Variants in SYNPR observed in about 807,000 individuals in gnomAD.
SYNPR encodes synaptoporin.
Under a neutral mutation model 32.9 loss-of-function variants are expected in SYNPR, and 23 were observed. The observed-to-expected ratio is 0.70, with a 90% CI of 0.50 to 0.99. SYNPR has a LOEUF of 0.99. Among genes scored for constraint, SYNPR ranks in the 50% least tolerant of loss-of-function variants. The pLI, the probability that SYNPR is intolerant of heterozygous loss-of-function variation, is 0.00. For synonymous variants in SYNPR, 146 were observed against 135.9 expected (o/e 1.07, Z -0.52); for missense variants, 318 against 349.3 (o/e 0.91, Z 0.71).
chr3:63,602,493 G>A (rs533563745), intron 4 of SYNPR, among the ~76,000 whole-genome samples: 1 of 152,100 alleles, frequency 6.6e-6, no homozygotes, highest in Non-Finnish European at 1.5e-5. Context: ...TTAAATTTAA[G>A]TCTTTAATCC....
intron 2 of SYNPR, among the ~76,000 whole-genome samples, chr3:63,438,517 G>A (rs1220923324): frequency 6.6e-6 from 1 of 152,138 alleles, no homozygotes; most frequent in Non-Finnish European, 1.5e-5. Context: ...GAAGCCTACT[G>A]AGGAAAGCTA....
chr3:63,490,607 T>C (rs945177131), intron 3 of SYNPR, among the ~76,000 whole-genome samples: 1 of 152,126 alleles, frequency 6.6e-6, no homozygotes, highest in Non-Finnish European at 1.5e-5. Flanking sequence ...ATGGTGCATC[T>C]ATAGTCCAGT....
At chr3:63,381,906 C>A (rs1399536820) in intron 2 of SYNPR, among the ~76,000 whole-genome samples, 1 of 152,002 alleles carries the variant, frequency 6.6e-6, no homozygotes, top group Non-Finnish European at 1.5e-5. Flanking sequence ...TTTAGGGGTT[C>A]CTTCAGGCAT....
At chr3:63,345,382 A>G (rs1560199379) in intron 2 of SYNPR, among the ~76,000 whole-genome samples, 2 of 152,182 alleles carry the variant, frequency 1.3e-5, no homozygotes, top group Admixed American at 1.3e-4. Context: ...GCTCTGTTAG[A>G]TTTCTCTGAC....
intron 2 of SYNPR, among the ~76,000 whole-genome samples, chr3:63,361,020 A>C (rs779433753): frequency 6.6e-6 from 1 of 152,190 alleles, no homozygotes; most frequent in African/African-American, 2.4e-5. Flanking sequence ...CAATCGATAA[A>C]TATCGGAATA....
At chr3:63,253,058 G>T (rs914151079) in intron 2 of SYNPR, among the ~76,000 whole-genome samples, 2 of 131,932 alleles carry the variant, frequency 1.5e-5, no homozygotes, top group South Asian at 4.8e-4. Flanking sequence ...AAAAAAAAAA[G>T]AATAGTTCCA....
chr3:63,406,302 T>C (rs777044377), intron 2 of SYNPR, among the ~76,000 whole-genome samples: 6 of 151,826 alleles, frequency 4.0e-5, no homozygotes, highest in Admixed American at 1.3e-4. Context: ...GAAAAAAACA[T>C]TGGCTTGGGG....
chr3:63,568,137 A>G (rs1702824086), intron 4 of SYNPR, among the ~76,000 whole-genome samples: 1 of 152,240 alleles, frequency 6.6e-6, no homozygotes, highest in Non-Finnish European at 1.5e-5. Context: ...GTTAAATGCC[A>G]TTGAGCTGCC....
chr3:63,455,322 G>C (rs1312607426), intron 2 of SYNPR, among the ~76,000 whole-genome samples: 4 of 152,058 alleles, frequency 2.6e-5, no homozygotes, highest in Admixed American at 2.0e-4. Flanking sequence ...TCCATCCCTG[G>C]ACTCTAGAAT....
chr3:63,412,271 A>C (rs1274451032), intron 2 of SYNPR, among the ~76,000 whole-genome samples: 2 of 152,186 alleles, frequency 1.3e-5, no homozygotes, highest in Non-Finnish European at 2.9e-5. Context: ...GAAGACAATA[A>C]GTAGACAGAT....
At chr3:63,346,183 A>C (rs1232503503) in intron 2 of SYNPR, among the ~76,000 whole-genome samples, 3 of 152,214 alleles carry the variant, frequency 2.0e-5, no homozygotes, top group Non-Finnish European at 4.4e-5. Flanking sequence ...TTTTGGAGTC[A>C]TCTAACACAG....
intron 4 of SYNPR, among the ~76,000 whole-genome samples, chr3:63,573,085 G>A (rs769724200): frequency 3.3e-5 from 5 of 152,120 alleles, no homozygotes; most frequent in South Asian, 4.1e-4. Flanking sequence ...GGGGGACAAC[G>A]GATCCATCAG....
chr3:63,506,841 G>T (rs1370779406), intron 3 of SYNPR, among the ~76,000 whole-genome samples: 1 of 152,060 alleles, frequency 6.6e-6, no homozygotes, highest in Non-Finnish European at 1.5e-5. Context: ...ACATATGACG[G>T]CCCCTGAGCA....
chr3:63,347,796 A>G lies in SYNPR; in HGVS notation c.84+69054A>G, dbSNP rs567969618. 6.6e-5 allele frequency among the ~76,000 whole-genome samples: 10 copies of G among 152,130 alleles called. No individual in the cohort carries two copies. In the East Asian group the frequency reaches 1.9e-3, roughly 29 times the overall value. On this transcript the variant is annotated intron_variant, in intron 2 of 5. Coordinates refer to ENST00000478300, the MANE Select transcript of SYNPR (RefSeq NM_001130003.2). The stretch of plus-strand genomic sequence containing the variant: ...AGTTCCACTCATGTTGCTGCAAAAG[A>G]CATGATTTTATTCTTTTTATGGCTG...
At chr3:63,392,907 C>A (rs2088157974) in intron 2 of SYNPR, among the ~76,000 whole-genome samples, 1 of 152,142 alleles carries the variant, frequency 6.6e-6, no homozygotes, top group Non-Finnish European at 1.5e-5. Flanking sequence ...CACCTGCCTG[C>A]CTTCCTCAGG....
At chr3:63,420,327 A>G (rs1699765303) in intron 2 of SYNPR, among the ~76,000 whole-genome samples, 1 of 152,214 alleles carries the variant, frequency 6.6e-6, no homozygotes. Context: ...TATAGCAAGG[A>G]TATTATAATT....
intron 2 of SYNPR, among the ~76,000 whole-genome samples, chr3:63,431,473 C>T (rs527492465): frequency 1.3e-5 from 2 of 152,070 alleles, no homozygotes; most frequent in Non-Finnish European, 2.9e-5. Context: ...AGAGAACAGA[C>T]AAACATGAAG....
chr3:63,599,841 CAT>C (rs1700012861), intron 4 of SYNPR, among the ~76,000 whole-genome samples: 1 of 152,248 alleles, frequency 6.6e-6, no homozygotes, highest in African/African-American at 2.4e-5. Flanking sequence ...TTATAGTACA[CAT>C]ATAATTTCTA....
chr3:63,505,147 C>T (rs976874928), intron 3 of SYNPR, among the ~76,000 whole-genome samples: 1 of 152,122 alleles, frequency 6.6e-6, no homozygotes, highest in Non-Finnish European at 1.5e-5. Flanking sequence ...GCGCTTTAGA[C>T]ACATGTAATT....
Sources: allele counts gnomAD v4.1 joint callset (sites outside exome capture counted in the v4.1 genomes callset), GRCh38; gene constraint gnomAD v4.1.1; transcripts MANE v1.5; gene names NCBI Gene and HGNC (gene_info 2026-07-23, HGNC 2026-07-21).